DGKH: variants seen among roughly 807,000 people sequenced by gnomAD.
DGKH encodes diacylglycerol kinase eta, also known as DAG kinase eta.
A neutral mutation model predicts 159.3 loss-of-function variants in DGKH; 90 were observed. The ratio of observed to expected loss-of-function variants is 0.57; its 90% confidence interval spans 0.48 to 0.67. The LOEUF (loss-of-function observed/expected upper bound fraction) is 0.67. Among genes scored for constraint, DGKH ranks in the 30% least tolerant of loss-of-function variants. DGKH has a pLI of 0.00. For synonymous variants in DGKH, 536 were observed against 553.8 expected, an observed-to-expected ratio of 0.97 and a Z score of 0.45; for missense variants, 1,181 against 1,506.1, an observed-to-expected ratio of 0.78 and a Z score of 3.57.
chr13:42,140,907 ATTTTTATTTAT>A (rs922971292), intron 3 of DGKH: 1 of 151,278 alleles, frequency 6.6e-6, no homozygotes, highest in Non-Finnish European at 1.5e-5. Context: ...AAAATTTTAT[ATTTTTATTTAT>A]TTTTTATTTT....
chr13:42,112,850 T>C (rs766304792), intron 1 of DGKH, among the ~76,000 whole-genome samples: 1 of 152,150 alleles, frequency 6.6e-6, no homozygotes, highest in Non-Finnish European at 1.5e-5. Flanking sequence ...GATGGACATA[T>C]CACAAAAGGG....
intron 1 of DGKH, chr13:42,071,001 A>G (rs2137692580): frequency 1.5e-6 from 2 of 1,311,426 alleles, no homozygotes; most frequent in East Asian, 4.6e-5. Flanking sequence ...AAAACAAGTA[A>G]TTGCCTCCAC....
chr13:42,099,875 G>T (rs1185193827), intron 1 of DGKH, among the ~76,000 whole-genome samples: 1 of 152,176 alleles, frequency 6.6e-6, no homozygotes, highest in Non-Finnish European at 1.5e-5. Flanking sequence ...GGGCTGCAGA[G>T]GTGCTTCTGG....
intron 16 of DGKH, among the ~76,000 whole-genome samples, chr13:42,190,837 T>G (rs1957045339): frequency 6.6e-6 from 1 of 152,222 alleles, no homozygotes; most frequent in South Asian, 2.1e-4. Context: ...ACCTAAATCA[T>G]CTGATTTGAA....
chr13:42,050,862 A>G (rs537867054), intron 1 of DGKH, among the ~76,000 whole-genome samples: 1 of 152,254 alleles, frequency 6.6e-6, no homozygotes, highest in Admixed American at 6.5e-5. Flanking sequence ...CTCTTAAACA[A>G]ACAAGCAAAC....
chr13:42,091,502 C>G (rs1394906245), intron 1 of DGKH, among the ~76,000 whole-genome samples: 1 of 152,076 alleles, frequency 6.6e-6, no homozygotes, highest in East Asian at 1.9e-4. Flanking sequence ...GGGCAAAGGA[C>G]TTGAATAGAC....
intron 20 of DGKH, among the ~76,000 whole-genome samples, chr13:42,200,899 C>T (rs1215118341): frequency 6.6e-6 from 1 of 152,142 alleles, no homozygotes; most frequent in Non-Finnish European, 1.5e-5. Flanking sequence ...ATCCTTGACA[C>T]CCCATACCCA....
At chr13:42,121,999 A>T (rs1182287225) in intron 1 of DGKH, among the ~76,000 whole-genome samples, 1 of 152,150 alleles carries the variant, frequency 6.6e-6, no homozygotes, top group African/African-American at 2.4e-5. Context: ...CATAAGTCAG[A>T]CTTTTCTTTC....
chr13:42,197,625 G>A (rs1723243413), intron 17 of DGKH, among the ~76,000 whole-genome samples: 1 of 152,082 alleles, frequency 6.6e-6, no homozygotes, highest in South Asian at 2.1e-4. Flanking sequence ...TGGGAGGATC[G>A]CTTGAACCCT....
At position 42,235,840 on chromosome 13, in the gene DGKH, C is replaced by G. The variant is rs1291158820; in HGVS notation, c.*6652C>G. 1 of 151,974 alleles carries G rather than the reference C, an allele frequency of 6.6e-6. No homozygotes were observed. The highest frequency in any genetic ancestry group is 1.5e-5 in the Non-Finnish European group (1 of 67,976). The allele number at this position is 151,974 out of a possible 1,614,324, so 9.4% of individuals were successfully genotyped here. A position where few individuals can be genotyped will look rare whatever the true frequency, so the allele number is the denominator to read the frequency against. On this transcript the variant is annotated 3_prime_UTR_variant, in exon 30 of 30. Transcript: ENST00000337343. Reference sequence around the variant, plus strand: ...TAAGTTGTATCGAATGTTTTTCTTCCTCTTAAGTGAGATAAATCTCACTTT... The same window carrying G: ...TAAGTTGTATCGAATGTTTTTCTTCGTCTTAAGTGAGATAAATCTCACTTT...
chr13:42,119,702 C>G (rs1955031032), intron 1 of DGKH, among the ~76,000 whole-genome samples: 1 of 152,126 alleles, frequency 6.6e-6, no homozygotes, highest in South Asian at 2.1e-4. Context: ...AATTTTATAA[C>G]AGAATTTACT....
chr13:42,215,057 T>C (rs1229905885), intron 25 of DGKH, among the ~76,000 whole-genome samples: 2 of 152,184 alleles, frequency 1.3e-5, no homozygotes, highest in African/African-American at 4.8e-5. Flanking sequence ...TTGATGCTTC[T>C]GTAAAATTTT....
intron 20 of DGKH, among the ~76,000 whole-genome samples, chr13:42,203,618 A>G (rs1181159620): frequency 6.6e-6 from 1 of 152,162 alleles, no homozygotes; most frequent in Non-Finnish European, 1.5e-5. Context: ...AGAAATATAT[A>G]TATAGCTGCA....
chr13:42,240,273 C>T lies in DGKH; in HGVS notation c.*11085C>T, dbSNP rs767272682. The T allele has an allele frequency of 6.6e-6, 1 of 152,196 alleles. No homozygotes were observed. Among genetic ancestry groups the T allele is most frequent in the African/African-American group, 2.4e-5 (1 of 41,448 alleles). The allele number at this position is 152,196 out of a possible 1,614,324, so 9.4% of individuals were successfully genotyped here. On this transcript the variant is annotated 3_prime_UTR_variant, in exon 30 of 30. Transcript: ENST00000337343. ...AAGTGTGCATTCATGAGCATGTGTG[C>T]ACTCTGGGCAAACCAACAGAAGATA...
chr13:42,085,410 A>C (rs1489635917), intron 1 of DGKH, among the ~76,000 whole-genome samples: 3 of 152,196 alleles, frequency 2.0e-5, no homozygotes, highest in Non-Finnish European at 4.4e-5. Context: ...ACACTCTGAG[A>C]TACATTGCTG....
chr13:42,246,031 A>G (rs542070466), downstream of DGKH, among the ~76,000 whole-genome samples: 16 of 152,378 alleles, frequency 1.1e-4, no homozygotes, highest in Non-Finnish European at 1.8e-4. Context: ...CTAATGGGTT[A>G]TAGTACTAGC....
rs55668821 is a variant in DGKH, at chr13:42,207,695, G to GTATATATATATA, written c.2602-1254_2602-1243dup. Reference sequence around the variant, plus strand: ...AGAGAGGGCACAATTATTAAAGTGTGTATATATATATATATATATATCAGT... The same window carrying GTATATATATATA: ...AGAGAGGGCACAATTATTAAAGTGTGTATATATATATATATATATATATATATATATATCAGT... On this transcript the variant is annotated intron_variant, in intron 21 of 29. Coordinates refer to ENST00000337343, the MANE Select transcript of DGKH (RefSeq NM_178009.5). Among the ~76,000 whole-genome samples the GTATATATATATA allele has an allele frequency of 1.9e-4, 26 of 140,282 alleles. No individual in the cohort carries two copies. The East Asian group carries it at 4.2e-3, about 23-fold the overall frequency. The allele number at this position is 140,282 out of a possible 152,430, so 92.0% of individuals were successfully genotyped here.
At chr13:42,247,907 AAG>A (rs1206885669) in intron 29 of DGKH, among the ~76,000 whole-genome samples, 2 of 152,370 alleles carry the variant, frequency 1.3e-5, no homozygotes, top group East Asian at 3.9e-4. Flanking sequence ...GTTAGTACAA[AAG>A]AGTCAAAAAG....
At chr13:42,178,718 C>T (rs969266894) in intron 13 of DGKH, among the ~76,000 whole-genome samples, 1 of 152,078 alleles carries the variant, frequency 6.6e-6, no homozygotes, top group African/African-American at 2.4e-5. Flanking sequence ...GTACATGGAG[C>T]CAAAGCTACT....
Sources: allele counts gnomAD v4.1 joint callset (sites outside exome capture counted in the v4.1 genomes callset), GRCh38; gene constraint gnomAD v4.1.1; transcripts MANE v1.5; gene names NCBI Gene and HGNC (gene_info 2026-07-23, HGNC 2026-07-21).